The following COL4A6 variants were observed in gnomAD, a reference collection of about 807,000 sequenced individuals.
COL4A6 encodes collagen alpha-6(IV) chain.
In COL4A6, 59 loss-of-function variants were observed where a neutral mutation model predicts 126.7. That is an observed-to-expected ratio of 0.47 (90% confidence interval 0.38 to 0.58). The LOEUF (loss-of-function observed/expected upper bound fraction) is 0.58, where lower values mean the gene tolerates loss of function less well. Ranked by LOEUF, COL4A6 falls within the 20% of genes least tolerant of loss-of-function variation. The pLI is 0.00. For missense variants in COL4A6, 1,285 were observed against 1,337.3 expected (o/e 0.96, Z 0.61); for synonymous variants, 547 against 496.6 (o/e 1.10, Z -1.35).
intron 2 of COL4A6, among the ~76,000 whole-genome samples, chrX:108,393,745 AG>A (rs759565208): frequency 1.8e-5 from 2 of 112,296 alleles, no homozygotes; most frequent in East Asian, 5.6e-4. Context: ...CACCTTTAAA[AG>A]TAATAAAAAG....
chrX:108,222,879 T>C (rs772359195), intron 3 of COL4A6, among the ~76,000 whole-genome samples: 1 of 111,874 alleles, frequency 8.9e-6, no homozygotes, highest in Non-Finnish European at 1.9e-5. Context: ...TATGTGTGTA[T>C]ATATGTATAT....
intron 3 of COL4A6, among the ~76,000 whole-genome samples, chrX:108,285,509 A>G (rs1332466075): frequency 2.7e-5 from 3 of 111,595 alleles, no homozygotes; most frequent in Non-Finnish European, 5.6e-5. Flanking sequence ...TAAAGCAATC[A>G]AAGCCATCAG....
rs962833904 is a variant in COL4A6 at position 108,362,476 on chromosome X, T to C, written c.64-51648A>G. Among the ~76,000 whole-genome samples the C allele has an allele frequency of 7.2e-5, 8 of 111,763 alleles. No homozygotes were observed. The East Asian group carries it at 2.3e-3, about 32-fold the overall frequency. On this transcript the variant is annotated intron_variant, in intron 2 of 44. Transcript: ENST00000334504. ...CCTAGTCCACTTCTTTTCAAGTGAT[T>C]CCAGGGAACATCAAGGTTCCTTGGG...
At chrX:108,213,429 A>G (rs2148233462) in intron 6 of COL4A6, among the ~76,000 whole-genome samples, 1 of 112,293 alleles carries the variant, frequency 8.9e-6, no homozygotes, top group East Asian at 2.8e-4. Flanking sequence ...GAATAGAATT[A>G]AATAAAAGTG....
chrX:108,435,433 C>T (rs2064248480), intron 2 of COL4A6, among the ~76,000 whole-genome samples: 1 of 111,975 alleles, frequency 8.9e-6, no homozygotes, highest in South Asian at 3.8e-4. Flanking sequence ...AACATAATGA[C>T]CACCATTGTC....
At chrX:108,321,061 G>T (rs2039015477) in intron 2 of COL4A6, among the ~76,000 whole-genome samples, 1 of 111,534 alleles carries the variant, frequency 9.0e-6, no homozygotes, top group South Asian at 3.8e-4. Context: ...TACTTTATAG[G>T]GTTTAGTGAG....
chrX:108,360,638 GC>G lies in COL4A6; in HGVS notation c.64-49811del, dbSNP rs773517438. Among the ~76,000 whole-genome samples, 7 of 107,384 alleles carry G rather than the reference GC, an allele frequency of 6.5e-5. No individual in the cohort carries two copies. The East Asian group carries it at 2.1e-3, about 32-fold the overall frequency. 93.3% of individuals were successfully genotyped at this position (107,384 alleles called of 115,157 possible). A position where few individuals can be genotyped will look rare whatever the true frequency, so the allele number is the denominator to read the frequency against. On this transcript the variant is annotated intron_variant, in intron 2 of 44. Coordinates refer to ENST00000334504, the MANE Select transcript of COL4A6 (RefSeq NM_033641.4). ...TGCAACCTCCGCCTCCCGGGCTCAA[GC>G]CATTCTCCTGCCTCAGCCTCCCGAG...
intron 12 of COL4A6, 66 bp from the exon 13 acceptor site, chrX:108,203,047 T>G: frequency 3.2e-6 from 3 of 934,907 alleles, no homozygotes; most frequent in African/African-American, 1.9e-5. Flanking sequence ...AGGATGGCTC[T>G]CCACATGTAC....
chrX:108,214,277 T>C, intron 5 of COL4A6, 49 bp from the exon 6 acceptor site: 2 of 924,498 alleles, frequency 2.2e-6, no homozygotes, highest in Non-Finnish European at 3.1e-6. Context: ...GACTGTCAGC[T>C]ATTCTAAATG....
At chrX:108,233,571 T>A (rs2036363914) in intron 3 of COL4A6, among the ~76,000 whole-genome samples, 1 of 112,087 alleles carries the variant, frequency 8.9e-6, no homozygotes, top group South Asian at 3.8e-4. Flanking sequence ...AGCAATTTAC[T>A]TACATAGTTT....
intron 3 of COL4A6, among the ~76,000 whole-genome samples, chrX:108,234,730 G>C (rs1018478267): frequency 8.9e-6 from 1 of 111,985 alleles, no homozygotes; most frequent in Non-Finnish European, 1.9e-5. Flanking sequence ...ACTGTTGATG[G>C]GTTTATCTTG....
chrX:108,365,031 T>C (rs2040166388), intron 2 of COL4A6, among the ~76,000 whole-genome samples: 1 of 111,215 alleles, frequency 9.0e-6, no homozygotes, highest in African/African-American at 3.3e-5. Context: ...ACATAGTATG[T>C]ATTTAGTGTG....
intron 13 of COL4A6, 75 bp from the exon 14 acceptor site, chrX:108,196,654 G>A: frequency 2.2e-6 from 2 of 899,771 alleles, no homozygotes; most frequent in Admixed American, 5.4e-5. Context: ...AAAGCAAGGA[G>A]GCTATTTTAA....
chrX:108,438,021 G>C (rs1471618777), intron 1 of COL4A6, 28 bp from the exon 2 acceptor site: 1 of 1,205,605 alleles, frequency 8.3e-7, no homozygotes, highest in South Asian at 1.8e-5. Flanking sequence ...GTGAGTAATG[G>C]GCTCTCTAGG....
intron 2 of COL4A6, among the ~76,000 whole-genome samples, chrX:108,346,029 A>G (rs1186848945): frequency 9.0e-6 from 1 of 111,304 alleles, no homozygotes; most frequent in Non-Finnish European, 1.9e-5. Flanking sequence ...AAGCAACACA[A>G]GAGGGGAAAC....
chrX:108,193,868 T>C (rs2035133128), intron 16 of COL4A6, among the ~76,000 whole-genome samples, 171 bp from the exon 17 acceptor site: 1 of 112,799 alleles, frequency 8.9e-6, no homozygotes, highest in Non-Finnish European at 1.9e-5. Context: ...AAATTTAAGA[T>C]GAAGGTGACA....
intron 3 of COL4A6, among the ~76,000 whole-genome samples, chrX:108,226,257 A>G (rs1602863689): frequency 1.8e-5 from 2 of 112,344 alleles, no homozygotes; most frequent in Admixed American, 1.9e-4. Flanking sequence ...TTTTTCCTTT[A>G]GGCATCATTT....
intron 5 of COL4A6, among the ~76,000 whole-genome samples, chrX:108,217,669 T>C (rs767848309): frequency 1.5e-4 from 16 of 110,281 alleles, no homozygotes; most frequent in Non-Finnish European, 2.3e-4. Context: ...TCCTGGGAGA[T>C]TAGAAATGGA....
At chrX:108,193,512 T>C (rs868288632) in intron 17 of COL4A6, 116 bp downstream of exon 17, 1 of 598,158 alleles carries the variant, frequency 1.7e-6, no homozygotes, top group Non-Finnish European at 2.7e-6. Context: ...GGCTCTTGGG[T>C]GTGTCAAGTT....
Sources: allele counts gnomAD v4.1 joint callset (sites outside exome capture counted in the v4.1 genomes callset), GRCh38; gene constraint gnomAD v4.1.1; transcripts MANE v1.5; gene names NCBI Gene and HGNC (gene_info 2026-07-23, HGNC 2026-07-21).